Variants in PTCHD4 observed in about 807,000 individuals in gnomAD.
PTCHD4 encodes the protein patched domain containing 4.
PTCHD4 carries 33 observed loss-of-function variants against 58.1 expected under a neutral mutation model. That is an observed-to-expected ratio of 0.57 (90% CI 0.43 to 0.76). The LOEUF is 0.76. PTCHD4 is among the 30% of genes least tolerant of loss of function. PTCHD4 has a pLI of 0.00. For missense variants in PTCHD4, 1,058 were observed against 1,027.1 expected, an observed-to-expected ratio of 1.03 and a Z score of -0.41; for synonymous variants, 478 against 409.6, an observed-to-expected ratio of 1.17 and a Z score of -2.02.
At chr6:48,110,793 A>G (rs188406379) in intron 1 of PTCHD4, among the ~76,000 whole-genome samples, 70 of 92,384 alleles carry the variant, frequency 7.6e-4, no homozygotes, top group Middle Eastern at 6.0e-3. Context: ...ATATATATAA[A>G]TATATATATA....
chr6:47,948,756 T>C (rs1398332233), intron 4 of PTCHD4, among the ~76,000 whole-genome samples: 1 of 152,168 alleles, frequency 6.6e-6, no homozygotes, highest in African/African-American at 2.4e-5. Context: ...GGAGCAGCTC[T>C]GTTTACACCT....
In PTCHD4 at chr6:47,862,866, C is replaced by T. The variant is rs1355675296; in HGVS notation, c.*15437G>A. On this transcript the variant is annotated 3_prime_UTR_variant, in exon 5 of 5. Transcript: ENST00000339488. ...CATTATCAATGTTTGCTTCCTGGAA[C>T]ACTAGTTCTTTAAGATGCTCCATGA... Among the ~76,000 whole-genome samples the T allele has an allele frequency of 1.3e-5, 2 of 151,834 alleles. No individual in the cohort carries two copies. Among genetic ancestry groups the T allele is most frequent in the Non-Finnish European group, 2.9e-5 (2 of 67,852 alleles).
At chr6:47,976,290 T>C (rs1486056313) in intron 4 of PTCHD4, among the ~76,000 whole-genome samples, 2 of 152,204 alleles carry the variant, frequency 1.3e-5, no homozygotes, top group Non-Finnish European at 2.9e-5. Context: ...GGGAATAAAT[T>C]ATCCTATCTG....
intron 4 of PTCHD4, among the ~76,000 whole-genome samples, chr6:47,989,010 T>G (rs997736929): frequency 7.2e-5 from 11 of 152,194 alleles, no homozygotes; most frequent in African/African-American, 2.7e-4. Context: ...GAATGGTTTT[T>G]CCCAAAAGCC....
At chr6:48,055,779 T>C (rs1217320230) in intron 3 of PTCHD4, among the ~76,000 whole-genome samples, 3 of 152,222 alleles carry the variant, frequency 2.0e-5, no homozygotes, top group Admixed American at 2.0e-4. Flanking sequence ...ATCTGTCTCC[T>C]GGGGCACTTA....
chr6:48,006,977 G>T (rs1485576709), intron 4 of PTCHD4, among the ~76,000 whole-genome samples: 1 of 152,148 alleles, frequency 6.6e-6, no homozygotes, highest in African/African-American at 2.4e-5. Flanking sequence ...GGTGGCTTAC[G>T]CCTGTAATCC....
chr6:48,060,126 C>G (rs188728648), intron 3 of PTCHD4, among the ~76,000 whole-genome samples: 1 of 152,334 alleles, frequency 6.6e-6, no homozygotes, highest in Admixed American at 6.5e-5. Context: ...CAGTGGCCAA[C>G]ACATTGCATG....
At chr6:48,009,213 T>C in intron 3 of PTCHD4, 99 bp from the exon 4 acceptor site, 1 of 1,277,720 alleles carries the variant, frequency 7.8e-7, no homozygotes, top group Non-Finnish European at 1.1e-6. Flanking sequence ...CAGAGATAGG[T>C]GCTAGTAATT....
chr6:47,968,137 A>G (rs1208982900), intron 4 of PTCHD4, among the ~76,000 whole-genome samples: 1 of 152,128 alleles, frequency 6.6e-6, no homozygotes, highest in East Asian at 1.9e-4. Flanking sequence ...TACTGAACAC[A>G]TAGAGGTCAT....
At chr6:47,937,243 A>G (rs1279528699) in intron 4 of PTCHD4, among the ~76,000 whole-genome samples, 1 of 152,232 alleles carries the variant, frequency 6.6e-6, no homozygotes, top group Non-Finnish European at 1.5e-5. Flanking sequence ...AAACTGTAAC[A>G]GGGCAAGAGC....
rs1763870912 is a variant in PTCHD4 at position 47,877,214 on chromosome 6, A to T, written c.*1089T>A. 1.3e-5 allele frequency among the ~76,000 whole-genome samples: 2 copies of T among 151,946 alleles called. No individual in the cohort carries two copies. The highest frequency in any genetic ancestry group is 2.9e-5 in the Non-Finnish European group (2 of 67,952). ...TTCCTAGTTATGTCTCCTTTCTCCT[A>T]TGTTAATTATCTATATTCCATGACA... On this transcript the variant is annotated 3_prime_UTR_variant, in exon 5 of 5. Transcript: ENST00000339488.
chr6:48,013,995 T>C (rs543437846), intron 3 of PTCHD4, among the ~76,000 whole-genome samples: 14 of 152,244 alleles, frequency 9.2e-5, no homozygotes, highest in Middle Eastern at 3.4e-3. Context: ...TTTGGCTAGC[T>C]GCTAACTCCT....
chr6:48,086,129 T>C (rs1765259316), intron 1 of PTCHD4, among the ~76,000 whole-genome samples: 1 of 152,172 alleles, frequency 6.6e-6, no homozygotes, highest in Non-Finnish European at 1.5e-5. Context: ...TGCAAAGCAA[T>C]AAGAGTGCAA....
At chr6:48,013,943 A>G (rs1227124088) in intron 3 of PTCHD4, among the ~76,000 whole-genome samples, 1 of 152,154 alleles carries the variant, frequency 6.6e-6, no homozygotes, top group African/African-American at 2.4e-5. Context: ...AAAATTTTAA[A>G]GAAGGCTAGT....
At position 47,870,356 on chromosome 6, in the gene PTCHD4, G is replaced by A. The variant is rs898606760; in HGVS notation, c.*7947C>T. ...AGTGTGTCCAAAACATGAAAATAAT[G>A]ATGAACCGAACAAGGAAATATTTGG... On this transcript the variant is annotated 3_prime_UTR_variant, in exon 5 of 5. Transcript: ENST00000339488. Among the ~76,000 whole-genome samples the A allele has an allele frequency of 6.6e-6, 1 of 151,570 alleles. No individual in the cohort carries two copies. Among genetic ancestry groups the A allele is most frequent in the Non-Finnish European group, 1.5e-5 (1 of 67,692 alleles).
chr6:48,071,339 C>G (rs1333027900), intron 1 of PTCHD4, among the ~76,000 whole-genome samples: 1 of 152,088 alleles, frequency 6.6e-6, no homozygotes, highest in African/African-American at 2.4e-5. Flanking sequence ...AAATGTAAAT[C>G]ATGTTGTAGA....
At chr6:47,924,493 G>A (rs1245076394) in intron 4 of PTCHD4, among the ~76,000 whole-genome samples, 1 of 152,068 alleles carries the variant, frequency 6.6e-6, no homozygotes, top group African/African-American at 2.4e-5. Context: ...TTTCTTTCGA[G>A]TATCATGGGC....
intron 4 of PTCHD4, among the ~76,000 whole-genome samples, chr6:47,929,743 T>A (rs1302291363): frequency 6.6e-6 from 1 of 152,224 alleles, no homozygotes; most frequent in Non-Finnish European, 1.5e-5. Flanking sequence ...ATCCACTGAG[T>A]GTGCAAAGTC....
At chr6:48,022,852 CA>C (rs1763113271) in intron 3 of PTCHD4, among the ~76,000 whole-genome samples, 1 of 151,946 alleles carries the variant, frequency 6.6e-6, no homozygotes, top group East Asian at 1.9e-4. Context: ...TAACTTATTA[CA>C]AAAGATTAAC....
Sources: gnomAD v4.1 joint callset for allele counts (sites outside exome capture counted in the v4.1 genomes callset) on GRCh38, gnomAD v4.1.1 for gene constraint, MANE v1.5 for transcripts, NCBI Gene and HGNC (gene_info 2026-07-23, HGNC 2026-07-21) for gene names.